The following DAP3 variants were observed in gnomAD, a reference collection of about 807,000 sequenced individuals.
The protein encoded by DAP3 is death associated protein 3.
A neutral mutation model predicts 51.9 loss-of-function variants in DAP3; 28 were observed. That is an observed-to-expected ratio of 0.54 (90% CI 0.40 to 0.74). DAP3 has a LOEUF of 0.74. DAP3 is among the 30% of genes least tolerant of loss of function. The pLI, the probability that DAP3 is intolerant of heterozygous loss-of-function variation, is 0.00. For synonymous variants in DAP3, 170 were observed against 170.3 expected (o/e 1.00, Z 0.01); for missense variants, 458 against 483.5 (o/e 0.95, Z 0.49).
intron 6 of DAP3, among the ~76,000 whole-genome samples, chr1:155,726,610 C>T (rs979813622): frequency 2.0e-5 from 3 of 151,632 alleles, no homozygotes; most frequent in Non-Finnish European, 4.4e-5. Flanking sequence ...ACTTTCCTAA[C>T]AGGGATCTGA....
chr1:155,721,591 T>C lies in DAP3; in HGVS notation c.243T>C (p.His81=). The change falls in exon 4 of 13, where the codon CAT becomes CAC. Residue 81 remains histidine, a synonymous_variant. Transcript: ENST00000368336. ...SPQDLETVFP[H]GLPPRFVMQV... ...AGGATTTGGAGACTGTATTTCCCCA[T>C]GGCCTTCCTCCTCGCTTTGTGATGC... 1 of 1,614,082 alleles carries C rather than the reference T, an allele frequency of 6.2e-7. No individual in the cohort carries two copies. Among genetic ancestry groups the C allele is most frequent in the Non-Finnish European group, 8.5e-7 (1 of 1,180,018 alleles).
At chr1:155,709,016 A>T (rs926857208) in intron 1 of DAP3, 1 of 150,824 alleles carries the variant, frequency 6.6e-6, no homozygotes, top group Admixed American at 6.6e-5. Context: ...CTAATTTTTT[A>T]AAATATTTTT....
Position 155,727,674 on chromosome 1 carries a change from A to C in DAP3, c.539A>C (p.Gln180Pro). The C allele has an allele frequency of 6.2e-7, 1 of 1,613,928 alleles. No homozygotes were observed. The highest frequency in any genetic ancestry group is 8.5e-7 in the Non-Finnish European group (1 of 1,179,966). ...AGCTACAACAAACAGCGCTTTGATC[A>C]ACCTTTAGAGGCTTCAACCTGGCTG... Reference protein sequence around the residue: ...QSSYNKQRFDQPLEASTWLKN... With the variant: ...QSSYNKQRFDPPLEASTWLKN... Residue 180 changes from glutamine to proline, a missense_variant, in exon 7 of 13, where the codon CAA (glutamine) becomes CCA (proline). Physicochemically the swap from Gln to Pro is moderately conservative, Grantham distance 76. Coordinates refer to ENST00000368336, the MANE Select transcript of DAP3 (RefSeq NM_004632.4).
intron 11 of DAP3, among the ~76,000 whole-genome samples, chr1:155,732,884 C>T (rs1450803887): frequency 6.6e-6 from 1 of 152,036 alleles, no homozygotes; most frequent in Non-Finnish European, 1.5e-5. Context: ...ATTAGCCAGG[C>T]GTCGTGGCGC....
At chr1:155,703,337 G>C (rs1360168219) in intron 1 of DAP3, among the ~76,000 whole-genome samples, 1 of 152,314 alleles carries the variant, frequency 6.6e-6, no homozygotes, top group East Asian at 1.9e-4. Flanking sequence ...AGGCAAGAGA[G>C]CATGAGAGCC....
At position 155,713,022 on chromosome 1, in the gene DAP3, A is replaced by C. The variant is rs549422556; in HGVS notation, c.45+3198A>C. 2.0e-5 allele frequency among the ~76,000 whole-genome samples: 3 copies of C among 152,262 alleles called. No individual in the cohort carries two copies. The East Asian group carries it at 5.8e-4, about 29-fold the overall frequency. On this transcript the variant is annotated intron_variant, in intron 2 of 12. Coordinates refer to ENST00000368336, the MANE Select transcript of DAP3 (RefSeq NM_004632.4). ...AAAGGATATTGTTTGTGTTGTGTGT[A>C]TGTGTTTTGCTTTGTTTTTGCTGTT...
Position 155,729,260 on chromosome 1 carries a change from A to T in DAP3, c.737A>T (p.Glu246Val). 1 of 1,614,204 alleles carries T rather than the reference A, an allele frequency of 6.2e-7. No individual in the cohort carries two copies. The highest frequency in any genetic ancestry group is 8.5e-7 in the Non-Finnish European group (1 of 1,180,036). ...GATGCAGTTGGAATTGTGCTGAAAGAGCTAAAGAGGCAAAGTTCTTTGGGT... is the reference window on the plus strand; with the variant it reads ...GATGCAGTTGGAATTGTGCTGAAAGTGCTAAAGAGGCAAAGTTCTTTGGGT... ...ATDAVGIVLK[E>V]LKRQSSLGMF... is the part of the protein sequence containing the mutation. Residue 246 changes from glutamate (E) to valine (V), a missense_variant, in exon 9 of 13, where the codon GAG (glutamate) becomes GTG (valine). Physicochemically the swap from Glu to Val is moderately radical, Grantham distance 121. Coordinates refer to ENST00000368336, the MANE Select transcript of DAP3 (RefSeq NM_004632.4).
intron 9 of DAP3, 25 bp downstream of exon 9, chr1:155,729,391 T>C: frequency 1.2e-6 from 2 of 1,610,322 alleles, no homozygotes; most frequent in Non-Finnish European, 1.7e-6. Flanking sequence ...TGTCTCTATC[T>C]TGTTTCTCTG....
chr1:155,695,551 A>G (rs1211943372), intron 1 of DAP3, among the ~76,000 whole-genome samples: 1 of 152,238 alleles, frequency 6.6e-6, no homozygotes, highest in Non-Finnish European at 1.5e-5. Flanking sequence ...GAAGATTGGT[A>G]TGTGCTCGGA....
chr1:155,733,714 A>G (rs146023429), intron 11 of DAP3, among the ~76,000 whole-genome samples: 107 of 152,078 alleles, frequency 7.0e-4, no homozygotes, highest in African/African-American at 2.5e-3. Flanking sequence ...GTGCGTGCCT[A>G]TAGTCCCAGT....
intron 12 of DAP3, 72 bp downstream of exon 12, chr1:155,737,135 C>T: frequency 1.9e-6 from 2 of 1,050,720 alleles, no homozygotes; most frequent in South Asian, 2.6e-5. Context: ...GAGCCTTGAT[C>T]TCTTCTTCCC....
intron 1 of DAP3, among the ~76,000 whole-genome samples, chr1:155,702,830 C>T (rs544959845): frequency 8.4e-4 from 128 of 152,114 alleles, no homozygotes; most frequent in African/African-American, 2.9e-3. Flanking sequence ...ATTAGCCAGG[C>T]GTGGTGGTGG....
intron 1 of DAP3, 86 bp from the exon 2 acceptor site, chr1:155,709,687 C>T: frequency 9.3e-7 from 1 of 1,080,360 alleles, no homozygotes; most frequent in Non-Finnish European, 1.4e-6. Flanking sequence ...TTATTAATCC[C>T]TATTAATCTA....
chr1:155,710,770 C>T (rs1011775381), intron 2 of DAP3, among the ~76,000 whole-genome samples: 4 of 152,138 alleles, frequency 2.6e-5, no homozygotes, highest in Non-Finnish European at 4.4e-5. Context: ...AAAGCCCACA[C>T]GAGATGCCAG....
At chr1:155,725,320 T>C (rs1658448059) in intron 4 of DAP3, 62 bp from the exon 5 acceptor site, 1 of 1,458,136 alleles carries the variant, frequency 6.9e-7, no homozygotes, top group Non-Finnish European at 9.6e-7. Flanking sequence ...AGAGTATATA[T>C]ACCACCCCCC....
intron 11 of DAP3, among the ~76,000 whole-genome samples, chr1:155,735,716 C>T (rs1405730756): frequency 2.6e-5 from 4 of 151,778 alleles, no homozygotes; most frequent in East Asian, 3.9e-4. Flanking sequence ...CTGTCACCCA[C>T]GCTGGAGTGC....
intron 2 of DAP3, among the ~76,000 whole-genome samples, chr1:155,716,572 C>CAA (rs894849721): frequency 1.4e-5 from 2 of 139,062 alleles, no homozygotes; most frequent in Non-Finnish European, 1.6e-5. Context: ...GACTCCATCT[C>CAA]AAAAAAAAAA....
chr1:155,727,020 AGTTTT>A (rs370336676), intron 6 of DAP3: 1,719 of 152,208 alleles, frequency 0.011, 30 homozygotes, highest in African/African-American at 0.04. Context: ...GTCGCCATGG[AGTTTT>A]GTTTTGTTTT....
chr1:155,721,662 A>AGCT (rs750282457), intron 4 of DAP3, 44 bp downstream of exon 4: 1 of 1,584,824 alleles, frequency 6.3e-7, no homozygotes, highest in South Asian at 1.1e-5. Flanking sequence ...CCAGAATACA[A>AGCT]GCTGCTGCTA....
Sources: allele counts gnomAD v4.1 joint callset (sites outside exome capture counted in the v4.1 genomes callset), GRCh38; gene constraint gnomAD v4.1.1; transcripts MANE v1.5; gene names NCBI Gene and HGNC (gene_info 2026-07-23, HGNC 2026-07-21).